The following ZNF184 variants were observed in gnomAD, a reference collection of about 807,000 sequenced individuals.
ZNF184 encodes the protein zinc finger protein 184 (Kruppel-like).
ZNF184 carries 16 observed loss-of-function variants against 54.4 expected under a neutral mutation model. The observed-to-expected ratio is 0.29, with a 90% confidence interval of 0.20 to 0.45. ZNF184 has a LOEUF of 0.45. Ranked by LOEUF, ZNF184 falls within the 20% of genes least tolerant of loss-of-function variation. The pLI is 1.00. For synonymous variants in ZNF184, 254 were observed against 295.3 expected (o/e 0.86, Z 1.43); for missense variants, 681 against 888.2 (o/e 0.77, Z 2.97).
chr6:27,462,325 G>C (rs897121860), intron 3 of ZNF184, among the ~76,000 whole-genome samples: 1 of 151,640 alleles, frequency 6.6e-6, no homozygotes, highest in Non-Finnish European at 1.5e-5. Flanking sequence ...AGCCTCCCGA[G>C]TATCTGGGAC....
intron 3 of ZNF184, among the ~76,000 whole-genome samples, chr6:27,462,800 G>A (rs1352421238): frequency 6.6e-6 from 1 of 151,120 alleles, no homozygotes; most frequent in African/African-American, 2.4e-5. Context: ...AGGAGGCAGA[G>A]GTTGCAGTGA....
At chr6:27,426,491 G>A in the ZNF184 span, among the ~76,000 whole-genome samples, 1 of 152,204 alleles carries the variant, frequency 6.6e-6, no homozygotes, top group South Asian at 2.1e-4. The surrounding 1 kb of genome is among the most constrained non-coding windows in gnomAD (Gnocchi z 4.2). Context: ...CCTTCACAGT[G>A]TTCACACCCA....
At chr6:27,412,963 G>A in the ZNF184 span, among the ~76,000 whole-genome samples, 2 of 152,214 alleles carry the variant, frequency 1.3e-5, no homozygotes, top group Non-Finnish European at 2.9e-5. Context: ...GAGGCTAGGC[G>A]TGGTGGCTCA....
intron 3 of ZNF184, among the ~76,000 whole-genome samples, chr6:27,465,937 C>T (rs1763124708): frequency 6.6e-6 from 1 of 152,166 alleles, no homozygotes; most frequent in Non-Finnish European, 1.5e-5. Context: ...CAAAGATGTC[C>T]ATGTCCCAAC....
chr6:27,404,576 C>G, the ZNF184 span: 1 of 152,082 alleles, frequency 6.6e-6, no homozygotes, highest in African/African-American at 2.4e-5. Flanking sequence ...ACATTTTGGT[C>G]AATAATGGAC....
the ZNF184 span, chr6:27,405,444 C>G: frequency 6.6e-6 from 1 of 152,230 alleles, no homozygotes; most frequent in Non-Finnish European, 1.5e-5. Context: ...GGCACCCCAA[C>G]TAGACATAGC....
the ZNF184 span, among the ~76,000 whole-genome samples, chr6:27,411,508 T>C: frequency 2.0e-5 from 3 of 152,210 alleles, no homozygotes; most frequent in African/African-American, 7.2e-5. Flanking sequence ...TTCTGACATA[T>C]ACTCAGCAGT....
rs373400111 is a variant in ZNF184, at chr6:27,457,263, C to G, written c.202+20G>C. The G allele has an allele frequency of 4.3e-6, 7 of 1,612,622 alleles. No homozygotes were observed. The highest frequency in any genetic ancestry group is 5.9e-6 in the Non-Finnish European group (7 of 1,179,256). Reference sequence around the variant, plus strand: ...CCTCCTGCACACCCCTTGATATTAACTCAGAGAAATTATCCTTACCTATAG... The same window carrying G: ...CCTCCTGCACACCCCTTGATATTAAGTCAGAGAAATTATCCTTACCTATAG... On this transcript the variant is annotated intron_variant, in intron 4 of 5. Transcript: ENST00000683788.
chr6:27,414,190 C>T, the ZNF184 span, among the ~76,000 whole-genome samples: 7 of 152,136 alleles, frequency 4.6e-5, no homozygotes, highest in Non-Finnish European at 8.8e-5. Context: ...CCATTTTCAC[C>T]CTGAACTAAG....
chr6:27,440,992 A>T, the ZNF184 span, among the ~76,000 whole-genome samples: 3 of 152,164 alleles, frequency 2.0e-5, no homozygotes, highest in East Asian at 5.8e-4. Flanking sequence ...GCGACAGAGC[A>T]AGACTCTGTC....
chr6:27,433,126 T>TC, the ZNF184 span, among the ~76,000 whole-genome samples: 3 of 152,230 alleles, frequency 2.0e-5, no homozygotes, highest in South Asian at 6.2e-4. Flanking sequence ...AACTATGCCC[T>TC]CTGTGCCCTG....
intron 3 of ZNF184, among the ~76,000 whole-genome samples, chr6:27,465,484 C>CAAAAAAAAAAAAAAAAAAAAAAAAAA (rs60538455): frequency 2.8e-5 from 1 of 35,166 alleles, no homozygotes; most frequent in Admixed American, 5.2e-4. Context: ...GACTCCATCT[C>CAAAAAAAAAAAAAAAAAAAAAAAAAA]AAAAAAAAAA....
chr6:27,453,249 T>C lies in ZNF184; in HGVS notation c.310A>G (p.Arg104Gly). Residue 104 changes from arginine (R) to glycine (G), a missense_variant, in exon 6 of 6, where the codon AGA (arginine) becomes GGA (glycine). Coordinates refer to ENST00000683788, the MANE Select transcript of ZNF184 (RefSeq NM_001318891.2). The surrounding 1 kb of genome is among the most constrained non-coding windows in gnomAD (Gnocchi z 4.7). ...GGGGCTGACACACTATTTTCAAGTC[T>C]TGTCTCCCAGTCTAAAAGAAAAAGA... ...PVGTCADWETRLENSVSAPEP... is the reference protein window; with the variant it reads ...PVGTCADWETGLENSVSAPEP... 2 of 1,592,146 alleles carry C rather than the reference T, an allele frequency of 1.3e-6. No homozygotes were observed. The highest frequency in any genetic ancestry group is 1.7e-6 in the Non-Finnish European group (2 of 1,172,120).
At chr6:27,414,562 C>T in the ZNF184 span, among the ~76,000 whole-genome samples, 8 of 151,972 alleles carry the variant, frequency 5.3e-5, no homozygotes, top group African/African-American at 1.9e-4. Flanking sequence ...CTTTCACATA[C>T]GCTATTCCTT....
chr6:27,448,511 A>C (rs1762663430), downstream of ZNF184, among the ~76,000 whole-genome samples: 3 of 152,192 alleles, frequency 2.0e-5, no homozygotes, highest in South Asian at 6.2e-4. Context: ...TTCTGAATAG[A>C]ATGCTAAATC....
At chr6:27,466,793 G>A (rs1763150944) in intron 3 of ZNF184, among the ~76,000 whole-genome samples, 6 of 152,158 alleles carry the variant, frequency 3.9e-5, no homozygotes, top group Admixed American at 3.9e-4. Context: ...TTTTAAGAAG[G>A]AGGAGGGCTT....
the ZNF184 span, among the ~76,000 whole-genome samples, chr6:27,441,086 T>C: frequency 6.6e-6 from 1 of 152,184 alleles, no homozygotes; most frequent in Non-Finnish European, 1.5e-5. Context: ...CACTTGGCTA[T>C]GTGTCCTTGT....
chr6:27,414,438 T>A, the ZNF184 span, among the ~76,000 whole-genome samples: 1 of 152,118 alleles, frequency 6.6e-6, no homozygotes, highest in Non-Finnish European at 1.5e-5. Flanking sequence ...CATAGTGTGG[T>A]CCTTCATGAC....
the ZNF184 span, among the ~76,000 whole-genome samples, chr6:27,426,774 A>G: frequency 6.6e-6 from 1 of 152,138 alleles, no homozygotes; most frequent in South Asian, 2.1e-4. This position sits in a 1 kb window ranked among gnomAD's most constrained non-coding sequence, Gnocchi z 4.2. Flanking sequence ...CTTGCCATCC[A>G]CTTATTCCAT....
Sources: allele counts gnomAD v4.1 joint callset (sites outside exome capture counted in the v4.1 genomes callset), GRCh38; gene constraint gnomAD v4.1.1; non-coding constraint Gnocchi (gnomAD v3.1); transcripts MANE v1.5; gene names NCBI Gene and HGNC (gene_info 2026-07-23, HGNC 2026-07-21).